Variants in FRMD4B observed in about 807,000 individuals in gnomAD.
The protein encoded by FRMD4B is FERM domain containing 4B.
FRMD4B carries 74 observed loss-of-function variants against 141.5 expected under a neutral mutation model. That is an observed-to-expected ratio of 0.52 (90% CI 0.43 to 0.63). FRMD4B has a LOEUF of 0.63. Ranked by LOEUF, FRMD4B falls within the 30% of genes least tolerant of loss-of-function variation. The pLI is 0.00. For missense variants in FRMD4B, 1,366 were observed against 1,253.4 expected, an observed-to-expected ratio of 1.09 and a Z score of -1.36; for synonymous variants, 506 against 467.9, an observed-to-expected ratio of 1.08 and a Z score of -1.05.
chr3:69,226,424 ACT>A (rs2093254819), intron 7 of FRMD4B, among the ~76,000 whole-genome samples: 1 of 67,446 alleles, frequency 1.5e-5, no homozygotes, highest in African/African-American at 5.1e-5. Flanking sequence ...TACCACATTT[ACT>A]TTTTTTTTTT....
chr3:69,207,041 G>T (rs564170241), intron 11 of FRMD4B, among the ~76,000 whole-genome samples: 7 of 152,094 alleles, frequency 4.6e-5, no homozygotes, highest in Non-Finnish European at 8.8e-5. Context: ...AATGGCTCAC[G>T]CTTATAATCC....
intron 2 of FRMD4B, among the ~76,000 whole-genome samples, chr3:69,412,394 T>G (rs922804542): frequency 1.3e-5 from 2 of 152,120 alleles, no homozygotes; most frequent in Non-Finnish European, 2.9e-5. Flanking sequence ...CTTTCAGAAG[T>G]CTGATTTTAT....
At chr3:69,522,762 C>T (rs1204218436) in intron 1 of FRMD4B, among the ~76,000 whole-genome samples, 2 of 152,152 alleles carry the variant, frequency 1.3e-5, no homozygotes, top group African/African-American at 4.8e-5. Context: ...CCAGCCAACA[C>T]CTCCCATGAC....
rs528527576 is a variant in FRMD4B at position 69,477,415 on chromosome 3, G to A, written c.-128-44654C>T. Among the ~76,000 whole-genome samples, 158 of 149,988 alleles carry A rather than the reference G, an allele frequency of 1.1e-3. 1 individual carries two copies. Among genetic ancestry groups the A allele is most frequent in the African/African-American group, 3.6e-3 (144 of 40,122 alleles). ...TTTACTGAGAGTTTTTAGCATGAAGGGTTGTTGAATTTTGTCAAAGGCCTT... is the reference window on the plus strand; with the variant it reads ...TTTACTGAGAGTTTTTAGCATGAAGAGTTGTTGAATTTTGTCAAAGGCCTT... On this transcript the variant is annotated intron_variant, in intron 1 of 5. Transcript: ENST00000459638.
chr3:69,510,725 A>T (rs2107098760), intron 1 of FRMD4B, among the ~76,000 whole-genome samples: 1 of 152,298 alleles, frequency 6.6e-6, no homozygotes, highest in East Asian at 1.9e-4. Context: ...CTAAACTCCC[A>T]TACACTACTC....
intron 1 of FRMD4B, among the ~76,000 whole-genome samples, chr3:69,448,015 C>G (rs1705435585): frequency 2.6e-5 from 4 of 150,990 alleles, no homozygotes; most frequent in Admixed American, 6.6e-5. Context: ...ATGGACATTC[C>G]AATACAAATC....
intron 1 of FRMD4B, among the ~76,000 whole-genome samples, chr3:69,370,331 ATAGCGATCGCTT>A (rs1703790649): frequency 6.6e-6 from 1 of 152,168 alleles, no homozygotes; most frequent in Non-Finnish European, 1.5e-5. Flanking sequence ...GGTGCAGGAA[ATAGCGATCGCTT>A]GACACTCAGG....
intron 22 of FRMD4B, among the ~76,000 whole-genome samples, chr3:69,176,248 C>G (rs770392683): frequency 2.0e-5 from 3 of 152,130 alleles, no homozygotes; most frequent in Non-Finnish European, 4.4e-5. Context: ...AGGCCAGATA[C>G]TTTTTGGCTG....
rs555929846 is a variant in FRMD4B at position 69,362,838 on chromosome 3, C to T, written c.162+22990G>A. Among the ~76,000 whole-genome samples, 187 of 152,186 alleles carry T rather than the reference C, an allele frequency of 1.2e-3. 2 individuals carry two copies. The highest frequency in any genetic ancestry group is 4.2e-3 in the African/African-American group (173 of 41,544). On this transcript the variant is annotated intron_variant, in intron 1 of 22. Transcript: ENST00000398540. The stretch of plus-strand genomic sequence containing the variant: ...CTGCCCATCTTATTCTGAACTTAAA[C>T]ATTTTCCTTATATCAGCACATCTCC...
At chr3:69,278,626 G>A (rs182095999) in intron 5 of FRMD4B, among the ~76,000 whole-genome samples, 16 of 147,504 alleles carry the variant, frequency 1.1e-4, no homozygotes, top group African/African-American at 3.5e-4. Flanking sequence ...TTGCCCTGCC[G>A]CTCAGGCAGG....
chr3:69,445,947 T>G (rs1430736340), intron 1 of FRMD4B, among the ~76,000 whole-genome samples: 2 of 152,228 alleles, frequency 1.3e-5, no homozygotes, highest in Non-Finnish European at 2.9e-5. Flanking sequence ...TCCTGTTCAC[T>G]GCTACATCCT....
rs1341474079 is a variant in FRMD4B at position 69,170,758 on chromosome 3, C to T, written c.*1103G>A. The T allele has an allele frequency of 6.6e-6, 1 of 152,078 alleles. No homozygotes were observed. Among genetic ancestry groups the T allele is most frequent in the African/African-American group, 2.4e-5 (1 of 41,416 alleles). 9.4% of individuals were successfully genotyped at this position (152,078 alleles called of 1,614,324 possible). A position where few individuals can be genotyped will look rare whatever the true frequency, so the allele number is the denominator to read the frequency against. The stretch of plus-strand genomic sequence containing the variant: ...AAGGAAAGTATGAGGTAGTTTTAGC[C>T]TCATAATTAAATCCACTGCAGCTTG... On this transcript the variant is annotated 3_prime_UTR_variant, in exon 23 of 23. Coordinates refer to ENST00000398540, the MANE Select transcript of FRMD4B (RefSeq NM_015123.3).
chr3:69,403,598 A>G (rs914058994), intron 2 of FRMD4B, among the ~76,000 whole-genome samples: 1 of 152,196 alleles, frequency 6.6e-6, no homozygotes, highest in Non-Finnish European at 1.5e-5. Flanking sequence ...CTATTCAAAC[A>G]GTCATAGAAA....
intron 5 of FRMD4B, among the ~76,000 whole-genome samples, chr3:69,264,862 C>T (rs117447890): frequency 0.035 from 5,279 of 152,180 alleles, 153 homozygotes; most frequent in East Asian, 0.1. Flanking sequence ...GGGCAGACCG[C>T]TTCTCAGAAA....
At chr3:69,471,217 C>A (rs1042949737) in intron 1 of FRMD4B, among the ~76,000 whole-genome samples, 5 of 152,036 alleles carry the variant, frequency 3.3e-5, no homozygotes, top group Non-Finnish European at 7.4e-5. Context: ...ATCAAATAGA[C>A]CGGGCTAAGT....
chr3:69,374,339 C>G (rs1177645180), intron 1 of FRMD4B, among the ~76,000 whole-genome samples: 1 of 152,306 alleles, frequency 6.6e-6, no homozygotes, highest in Middle Eastern at 3.4e-3. Context: ...TCAGCTGGCT[C>G]TAGCCCATTC....
chr3:69,277,442 T>C (rs1426316847), intron 5 of FRMD4B, among the ~76,000 whole-genome samples: 2 of 151,890 alleles, frequency 1.3e-5, no homozygotes, highest in Non-Finnish European at 2.9e-5. Flanking sequence ...AGGAGGCTTA[T>C]GGTCATCTTT....
intron 1 of FRMD4B, chr3:69,323,018 C>G: frequency 1.0e-6 from 1 of 977,900 alleles, no homozygotes; most frequent in South Asian, 4.7e-5. Context: ...CTGTACATCT[C>G]TTGCAGGTTC....
At chr3:69,506,063 C>T (rs1390259957) in intron 1 of FRMD4B, among the ~76,000 whole-genome samples, 1 of 152,152 alleles carries the variant, frequency 6.6e-6, no homozygotes, top group Non-Finnish European at 1.5e-5. Flanking sequence ...GGTGCCCTCA[C>T]CTTCACCCCT....
Sources: gnomAD v4.1 joint callset for allele counts (sites outside exome capture counted in the v4.1 genomes callset) on GRCh38, gnomAD v4.1.1 for gene constraint, MANE v1.5 for transcripts, NCBI Gene and HGNC (gene_info 2026-07-23, HGNC 2026-07-21) for gene names.